HIBADH: variants seen among roughly 807,000 people sequenced by gnomAD.
HIBADH encodes the protein 3-hydroxyisobutyrate dehydrogenase.
In HIBADH, 25 loss-of-function variants were observed where a neutral mutation model predicts 36.1. That is an observed-to-expected ratio of 0.69 (90% CI 0.50 to 0.97). The LOEUF (loss-of-function observed/expected upper bound fraction) is 0.97. HIBADH is among the 50% of genes least tolerant of loss of function. The pLI is 0.00. For synonymous variants in HIBADH, 160 were observed against 149.5 expected (o/e 1.07, Z -0.51); for missense variants, 421 against 418.0 (o/e 1.01, Z -0.06).
intron 4 of HIBADH, among the ~76,000 whole-genome samples, chr7:27,608,596 T>TC (rs1562641610): frequency 1.3e-5 from 2 of 152,048 alleles, no homozygotes; most frequent in Non-Finnish European, 2.9e-5. Flanking sequence ...CATCTCCTCC[T>TC]CCCACCTCAC....
intron 2 of HIBADH, among the ~76,000 whole-genome samples, chr7:27,637,772 C>G (rs938241261): frequency 6.6e-6 from 1 of 152,112 alleles, no homozygotes; most frequent in Non-Finnish European, 1.5e-5. Context: ...GCAAAAATAA[C>G]TAACATTCCT....
chr7:27,573,894 TTCCTGAA>T (rs1583576446), intron 4 of HIBADH, among the ~76,000 whole-genome samples: 2 of 152,238 alleles, frequency 1.3e-5, no homozygotes, highest in East Asian at 3.8e-4. Context: ...ATAAAATGTA[TTCCTGAA>T]ATTATCCTCA....
intron 1 of HIBADH, among the ~76,000 whole-genome samples, chr7:27,653,629 C>T (rs1252374159): frequency 4.0e-5 from 6 of 151,558 alleles, no homozygotes; most frequent in Non-Finnish European, 7.4e-5. Flanking sequence ...CCCAGCTACT[C>T]GGGAGGCTGA....
At chr7:27,632,821 C>T (rs1785770360) in intron 2 of HIBADH, among the ~76,000 whole-genome samples, 1 of 151,948 alleles carries the variant, frequency 6.6e-6, no homozygotes, top group African/African-American at 2.4e-5. Context: ...TATTCTAGTA[C>T]AACAACGCTG....
chr7:27,557,493 A>AATT (rs1314383719), intron 4 of HIBADH, among the ~76,000 whole-genome samples: 7 of 152,190 alleles, frequency 4.6e-5, no homozygotes, highest in Non-Finnish European at 7.3e-5. Flanking sequence ...CAGACTGGGA[A>AATT]ATTTATAAAG....
chr7:27,578,846 A>G (rs1457394760), intron 4 of HIBADH, among the ~76,000 whole-genome samples: 1 of 152,206 alleles, frequency 6.6e-6, no homozygotes, highest in African/African-American at 2.4e-5. Flanking sequence ...AAGATTCTCT[A>G]TAACTGAATA....
At chr7:27,558,614 T>C (rs1285882624) in intron 4 of HIBADH, among the ~76,000 whole-genome samples, 1 of 152,140 alleles carries the variant, frequency 6.6e-6, no homozygotes, top group East Asian at 1.9e-4. Context: ...AGAGGATTGC[T>C]TGAGTCCAGG....
Position 27,662,752 on chromosome 7 carries a change from C to G in HIBADH, c.37G>C (p.Gly13Arg). The stretch of plus-strand genomic sequence containing the variant: ...AGCCGCCGGCTCCAGTACCGGAGAC[C>G]GGAGGCAGCTCCGAGGAGCCGTAAG... ...ASLRLLGAAS[G>R]LRYWSRRLRP... The change falls in exon 1 of 8, where the codon GGT (glycine) becomes CGT (arginine). Residue 13 changes from glycine to arginine, a missense_variant. By Grantham distance (125) the Gly-to-Arg change is moderately radical. Coordinates refer to ENST00000265395, the MANE Select transcript of HIBADH (RefSeq NM_152740.4). 1 of 1,435,952 alleles carries G rather than the reference C, an allele frequency of 7.0e-7. No homozygotes were observed. The highest frequency in any genetic ancestry group is 9.2e-7 in the Non-Finnish European group (1 of 1,091,362). The allele number at this position is 1,435,952 out of a possible 1,614,324, so 89.0% of individuals were successfully genotyped here.
At position 27,662,874 on chromosome 7, in the gene HIBADH, G is replaced by T; in HGVS notation, c.-86C>A. On this transcript the variant is annotated 5_prime_UTR_variant, in exon 1 of 8. Transcript: ENST00000265395. ...CGAGCGTGTGCAGCGGGACTGGCTG[G>T]CTCGCCCACGGAGAAGGGCGCGCGC... 1 of 1,123,952 alleles carries T rather than the reference G, an allele frequency of 8.9e-7. No individual in the cohort carries two copies. Among genetic ancestry groups the T allele is most frequent in the Non-Finnish European group, 1.2e-6 (1 of 848,076 alleles). The allele number at this position is 1,123,952 out of a possible 1,614,324, so 69.6% of individuals were successfully genotyped here.
intron 2 of HIBADH, among the ~76,000 whole-genome samples, chr7:27,647,198 TAGTA>T (rs1786089262): frequency 1.3e-5 from 2 of 152,192 alleles, no homozygotes; most frequent in South Asian, 4.1e-4. Flanking sequence ...CTGAGGCGGC[TAGTA>T]AGTGACTAAT....
rs555072566 is a variant in HIBADH at position 27,610,143 on chromosome 7, A to G, written c.484+19228T>C. Among the ~76,000 whole-genome samples the G allele has an allele frequency of 1.2e-4, 18 of 152,254 alleles. 1 individual carries two copies. The highest frequency in any genetic ancestry group is 5.9e-4 in the Admixed American group (9 of 15,294). On this transcript the variant is annotated intron_variant, in intron 4 of 7. Transcript: ENST00000265395. ...CAAAAGTAACTTTAAAATACATAAT[A>G]GTACTATAACTCTTTAAAGACAGGA...
intron 5 of HIBADH, among the ~76,000 whole-genome samples, chr7:27,539,732 T>C (rs1237608724): frequency 6.6e-6 from 1 of 152,108 alleles, no homozygotes; most frequent in African/African-American, 2.4e-5. Flanking sequence ...CTTTTGACTC[T>C]CCAAAAACTT....
At chr7:27,550,149 T>A (rs1405094123) in intron 4 of HIBADH, among the ~76,000 whole-genome samples, 2 of 152,154 alleles carry the variant, frequency 1.3e-5, no homozygotes, top group Admixed American at 6.5e-5. Flanking sequence ...TGCCTCATGA[T>A]CCTCCTGCCT....
At chr7:27,644,055 T>C (rs988857885) in intron 2 of HIBADH, among the ~76,000 whole-genome samples, 1 of 152,222 alleles carries the variant, frequency 6.6e-6, no homozygotes, top group African/African-American at 2.4e-5. Flanking sequence ...TCTTTTTTAA[T>C]AGCTTCACTG....
intron 4 of HIBADH, among the ~76,000 whole-genome samples, chr7:27,582,783 T>C (rs903228526): frequency 2.0e-5 from 3 of 152,086 alleles, no homozygotes; most frequent in African/African-American, 7.2e-5. Context: ...TGGTTGGAGA[T>C]TATTATATGG....
intron 4 of HIBADH, among the ~76,000 whole-genome samples, chr7:27,550,452 C>T (rs1784302662): frequency 6.6e-6 from 1 of 152,152 alleles, no homozygotes; most frequent in Non-Finnish European, 1.5e-5. Flanking sequence ...CCTCATCTAA[C>T]CCTTGCAACA....
chr7:27,600,035 T>C (rs1337858542), intron 4 of HIBADH, among the ~76,000 whole-genome samples: 1 of 152,188 alleles, frequency 6.6e-6, no homozygotes, highest in Non-Finnish European at 1.5e-5. Context: ...CTAAAATGTT[T>C]TGACGGGGTC....
chr7:27,535,276 C>T (rs1583557111), intron 6 of HIBADH, among the ~76,000 whole-genome samples: 1 of 151,832 alleles, frequency 6.6e-6, no homozygotes, highest in Non-Finnish European at 1.5e-5. Flanking sequence ...CAAACCTTTG[C>T]CATCTGTTAT....
At chr7:27,588,873 T>C (rs1173786724) in intron 4 of HIBADH, among the ~76,000 whole-genome samples, 2 of 152,188 alleles carry the variant, frequency 1.3e-5, no homozygotes, top group African/African-American at 2.4e-5. Context: ...TAAAATCCAA[T>C]TGTTTAGGAA....
Sources: allele counts gnomAD v4.1 joint callset (sites outside exome capture counted in the v4.1 genomes callset), GRCh38; gene constraint gnomAD v4.1.1; transcripts MANE v1.5; gene names NCBI Gene and HGNC (gene_info 2026-07-23, HGNC 2026-07-21).